Variants in DDX60L observed in about 807,000 individuals in gnomAD.
DDX60L encodes the protein probable ATP-dependent RNA helicase DDX60-like.
Under a neutral mutation model 211.6 loss-of-function variants are expected in DDX60L, and 191 were observed. The observed-to-expected ratio is 0.90, with a 90% confidence interval of 0.80 to 1.02. The LOEUF is 1.02. Among genes scored for constraint, DDX60L ranks in the 50% least tolerant of loss-of-function variants. DDX60L has a pLI of 0.00. For missense variants in DDX60L, 2,007 were observed against 1,984.1 expected (o/e 1.01, Z -0.22); for synonymous variants, 706 against 694.1 (o/e 1.02, Z -0.27).
At chr4:168,440,921 G>A (rs1047965255) in intron 10 of DDX60L, among the ~76,000 whole-genome samples, 1 of 151,956 alleles carries the variant, frequency 6.6e-6, no homozygotes, top group Non-Finnish European at 1.5e-5. Flanking sequence ...ACATTATACC[G>A]AGAGGAAAAA....
At chr4:168,382,680 G>A (rs1743172281) in intron 30 of DDX60L, among the ~76,000 whole-genome samples, 1 of 151,860 alleles carries the variant, frequency 6.6e-6, no homozygotes, top group Non-Finnish European at 1.5e-5. Context: ...AGAATTTAAG[G>A]TAGAAGCAAA....
At chr4:168,426,009 T>C (rs542527675) in intron 14 of DDX60L, among the ~76,000 whole-genome samples, 2 of 152,216 alleles carry the variant, frequency 1.3e-5, no homozygotes, top group African/African-American at 2.4e-5. Context: ...CCACAGAAAT[T>C]TGAGGGAGCA....
rs1386823006 is a variant in DDX60L at position 168,415,520 on chromosome 4, A to G, written c.2870-3T>C. The G allele has an allele frequency of 1.3e-6, 2 of 1,546,004 alleles. No individual in the cohort carries two copies. Among genetic ancestry groups the G allele is most frequent in the Non-Finnish European group, 1.8e-6 (2 of 1,126,892 alleles). On this transcript the variant is annotated splice_region_variant and splice_polypyrimidine_tract_variant and intron_variant, in intron 21 of 37. Transcript: ENST00000682922. ...ATTGTATCTCTCTCCACAGAGCACT[A>G]GATACGAAGAGCAAGAATATCCAAA...
chr4:168,452,991 A>G, intron 8 of DDX60L, 133 bp downstream of exon 8: 1 of 942,736 alleles, frequency 1.1e-6, no homozygotes, highest in Non-Finnish European at 1.5e-6. Context: ...ACCAAAAATA[A>G]AAGTTGTTGA....
intron 31 of DDX60L, 43 bp from the exon 32 acceptor site, chr4:168,379,547 T>G (rs1742562417): frequency 2.1e-6 from 3 of 1,430,480 alleles, no homozygotes; most frequent in Non-Finnish European, 1.9e-6. Flanking sequence ...TGTCATGTAC[T>G]CAAATACCAT....
Position 168,422,598 on chromosome 4 carries a change from C to A in DDX60L, c.2170G>T (p.Gly724Cys), listed in dbSNP as rs1561040494. 6.2e-7 allele frequency: 1 copy of A among 1,613,424 alleles called. No homozygotes were observed. The highest frequency in any genetic ancestry group is 2.2e-5 in the East Asian group (1 of 44,872). Residue 724 changes from glycine to cysteine, a missense_variant, in exon 16 of 38, where the codon GGC becomes TGC. Coordinates refer to ENST00000682922, the MANE Select transcript of DDX60L (RefSeq NM_001012967.3). ...GPARFQLQYM[G>C]HYLIRDERKD... The stretch of plus-strand genomic sequence containing the variant: ...CTTTCATCTCTTATCAAGTAATGGC[C>A]CATGTATTGCAGTTGAAACCGAGCT...
At position 168,453,209 on chromosome 4, in the gene DDX60L, T is replaced by G; in HGVS notation, c.911A>C (p.Gln304Pro). Reference protein sequence around the residue: ...CRLRCLCVAFQLHLPLSQRAC... With the variant: ...CRLRCLCVAFPLHLPLSQRAC... ...TCTCTGAGAAAGGGGTAAGTGGAGTTGAAAAGCCACACAGAGGCAACGCAG... is the reference window on the plus strand; with the variant it reads ...TCTCTGAGAAAGGGGTAAGTGGAGTGGAAAAGCCACACAGAGGCAACGCAG... The change falls in exon 8 of 38, where the codon CAA (glutamine) becomes CCA (proline). Residue 304 changes from glutamine to proline, a missense_variant. By Grantham distance (76) the Gln-to-Pro change is moderately conservative (BLOSUM62 -1). Transcript: ENST00000682922. 6.2e-7 allele frequency: 1 copy of G among 1,613,380 alleles called. No individual in the cohort carries two copies. Among genetic ancestry groups the G allele is most frequent in the Non-Finnish European group, 8.5e-7 (1 of 1,179,570 alleles).
intron 30 of DDX60L, among the ~76,000 whole-genome samples, chr4:168,383,780 G>A (rs971948342): frequency 6.6e-6 from 1 of 152,170 alleles, no homozygotes; most frequent in African/African-American, 2.4e-5. Flanking sequence ...GTTCACACCT[G>A]TAATCTCAAC....
intron 8 of DDX60L, among the ~76,000 whole-genome samples, chr4:168,449,161 C>A (rs576710281): frequency 6.6e-6 from 1 of 152,220 alleles, no homozygotes; most frequent in African/African-American, 2.4e-5. Flanking sequence ...GGGGTCAACA[C>A]CTACCCCCAC....
chr4:168,398,390 C>T (rs1214090825), intron 26 of DDX60L, among the ~76,000 whole-genome samples: 3 of 152,208 alleles, frequency 2.0e-5, no homozygotes, highest in South Asian at 4.1e-4. Context: ...ACATTGAGTG[C>T]CAGTGAGCAT....
chr4:168,471,044 A>T, intron 4 of DDX60L, among the ~76,000 whole-genome samples: 1 of 152,166 alleles, frequency 6.6e-6, no homozygotes, highest in East Asian at 1.9e-4. Flanking sequence ...CGTGCCAAAG[A>T]TCGTTAAATG....
intron 34 of DDX60L, among the ~76,000 whole-genome samples, chr4:168,374,563 T>C (rs531791949): frequency 6.6e-6 from 1 of 152,354 alleles, no homozygotes; most frequent in African/African-American, 2.4e-5. Flanking sequence ...TTGCAACGTC[T>C]GCTAGAACTT....
chr4:168,449,652 C>CAAAAAAAAAAAAAGA (rs1278075854), intron 8 of DDX60L, among the ~76,000 whole-genome samples: 1 of 7,934 alleles, frequency 1.3e-4, no homozygotes, highest in Non-Finnish European at 2.3e-4. Context: ...AAAAAAAATG[C>CAAAAAAAAAAAAAGA]AAAAAAAAAA....
intron 29 of DDX60L, among the ~76,000 whole-genome samples, chr4:168,389,689 A>G (rs183506071): frequency 1.3e-5 from 2 of 152,356 alleles, no homozygotes; most frequent in African/African-American, 4.8e-5. Context: ...AGAAACATAA[A>G]TCCACAGGTA....
chr4:168,471,996 T>C lies in DDX60L; in HGVS notation c.75-60A>G, dbSNP rs931027173. The C allele has an allele frequency of 6.6e-6, 9 of 1,357,888 alleles. No individual in the cohort carries two copies. The Admixed American group carries it at 1.2e-4, about 17-fold the overall frequency. The allele number at this position is 1,357,888 out of a possible 1,614,324, so 84.1% of individuals were successfully genotyped here. A position where few individuals can be genotyped will look rare whatever the true frequency, so the allele number is the denominator to read the frequency against. The stretch of plus-strand genomic sequence containing the variant: ...ATGTTTCACAGAGACTTTGTTGCTG[T>C]TGTTGTTACTATTATTGCATAAGCT... On this transcript the variant is annotated intron_variant, in intron 3 of 37. Coordinates refer to ENST00000682922, the MANE Select transcript of DDX60L (RefSeq NM_001012967.3).
At chr4:168,401,055 GC>G (rs1241320105) in intron 25 of DDX60L, 77 bp from the exon 26 acceptor site, 2 of 1,342,358 alleles carry the variant, frequency 1.5e-6, no homozygotes, top group Admixed American at 2.1e-5. Context: ...AAATTATAAG[GC>G]CCCTCAATCA....
intron 36 of DDX60L, among the ~76,000 whole-genome samples, chr4:168,363,112 C>T (rs928059055): frequency 9.9e-5 from 15 of 152,098 alleles, no homozygotes; most frequent in Non-Finnish European, 1.6e-4. Flanking sequence ...TCAGCAGATT[C>T]CCAGCAGAAA....
At chr4:168,419,259 A>G (rs1750074398) in intron 19 of DDX60L, 43 bp downstream of exon 19, 2 of 1,398,256 alleles carry the variant, frequency 1.4e-6, no homozygotes, top group Non-Finnish European at 2.0e-6. Flanking sequence ...TATAGGGTGT[A>G]TGCAGACTAG....
chr4:168,431,576 T>G (rs1436188237), intron 12 of DDX60L, among the ~76,000 whole-genome samples: 1 of 142,368 alleles, frequency 7.0e-6, no homozygotes, highest in Admixed American at 7.0e-5. Flanking sequence ...GGGGGAGGGA[T>G]AGCATTAAGA....
Sources: allele counts gnomAD v4.1 joint callset (sites outside exome capture counted in the v4.1 genomes callset), GRCh38; gene constraint gnomAD v4.1.1; transcripts MANE v1.5; gene names NCBI Gene and HGNC (gene_info 2026-07-23, HGNC 2026-07-21).